Variants in GRM1 observed in about 807,000 individuals in gnomAD.
The protein encoded by GRM1 is metabotropic glutamate receptor 1.
GRM1 carries 33 observed loss-of-function variants against 90.9 expected under a neutral mutation model. That is an observed-to-expected ratio of 0.36 (90% CI 0.28 to 0.49). GRM1 has a LOEUF of 0.49. GRM1 is among the 20% of genes least tolerant of loss of function. The probability of loss-of-function intolerance (pLI) is 0.99; values close to 1 mark genes in which losing one functional copy is unlikely to be tolerated. For synonymous variants in GRM1, 700 were observed against 613.2 expected (o/e 1.14, Z -2.09); for missense variants, 1,190 against 1,534.3 (o/e 0.78, Z 3.75).
chr6:146,238,514 AT>A (rs1780733541), intron 2 of GRM1, among the ~76,000 whole-genome samples: 1 of 152,058 alleles, frequency 6.6e-6, no homozygotes, highest in African/African-American at 2.4e-5. Flanking sequence ...TATCTAAAAA[AT>A]TTTTTTAGAA....
chr6:146,276,250 T>C (rs914454942), intron 2 of GRM1, among the ~76,000 whole-genome samples: 1 of 152,214 alleles, frequency 6.6e-6, no homozygotes, highest in African/African-American at 2.4e-5. Flanking sequence ...TGGATTCTAA[T>C]TCTTCATTCA....
In GRM1 at chr6:146,029,084, C is replaced by G. The variant is rs1790609232; in HGVS notation, c.-434C>G. On this transcript the variant is annotated 5_prime_UTR_variant, in exon 1 of 8. The change creates a new upstream start codon in the 5' untranslated region. Coordinates refer to ENST00000282753, the MANE Select transcript of GRM1 (RefSeq NM_001278064.2). ...TCCAAGCTGTTCCTGCAGCCGATAT[C>G]AGGATGTGCCGAAATGAAACGGACA... is the stretch of plus-strand genomic sequence containing the variant. 1 of 271,142 alleles carries G rather than the reference C, an allele frequency of 3.7e-6. No homozygotes were observed. Among genetic ancestry groups the G allele is most frequent in the Admixed American group, 5.1e-5 (1 of 19,756 alleles). The allele number at this position is 271,142 out of a possible 1,614,324, so 16.8% of individuals were successfully genotyped here. A position where few individuals can be genotyped will look rare whatever the true frequency, so the allele number is the denominator to read the frequency against.
chr6:146,432,938 G>A (rs1778466606), intron 7 of GRM1, among the ~76,000 whole-genome samples: 2 of 152,194 alleles, frequency 1.3e-5, no homozygotes, highest in African/African-American at 4.8e-5. Flanking sequence ...AGGCTGGGAT[G>A]CTCCTGGCAC....
chr6:146,363,400 T>C (rs944450158), intron 5 of GRM1, among the ~76,000 whole-genome samples: 1 of 152,206 alleles, frequency 6.6e-6, no homozygotes, highest in Admixed American at 6.5e-5. Flanking sequence ...GTTGCTTAGT[T>C]AACCTAGCTT....
intron 2 of GRM1, among the ~76,000 whole-genome samples, chr6:146,174,822 T>G (rs1038943381): frequency 6.6e-6 from 1 of 152,202 alleles, no homozygotes; most frequent in Non-Finnish European, 1.5e-5. Context: ...TCTCATTATC[T>G]CAAGGCTCAA....
At chr6:146,129,913 T>A (rs983742102) in intron 1 of GRM1, among the ~76,000 whole-genome samples, 5 of 152,116 alleles carry the variant, frequency 3.3e-5, no homozygotes, top group African/African-American at 1.2e-4. Context: ...TTTTTTATTT[T>A]GTTTTTCTAT....
chr6:146,303,343 C>A (rs1783462553), intron 2 of GRM1, among the ~76,000 whole-genome samples: 1 of 152,092 alleles, frequency 6.6e-6, no homozygotes, highest in Admixed American at 6.6e-5. Context: ...ATCCCCTGAC[C>A]AAGACAGCCT....
chr6:146,028,708 T>C (rs1410088992), upstream of GRM1, among the ~76,000 whole-genome samples: 1 of 152,210 alleles, frequency 6.6e-6, no homozygotes, highest in African/African-American at 2.4e-5. Context: ...GCTGATTTTA[T>C]GTCAGGGCTT....
intron 3 of GRM1, among the ~76,000 whole-genome samples, chr6:146,322,570 C>CTTTCTTTTCTTTTCT (rs1479978459): frequency 9.1e-6 from 1 of 109,928 alleles, no homozygotes; most frequent in African/African-American, 5.8e-5. Context: ...GGGCTGCTGC[C>CTTTCTTTTCTTTTCT]TTTCTTTTAT....
intron 1 of GRM1, among the ~76,000 whole-genome samples, chr6:146,076,099 A>G (rs1776177072): frequency 6.6e-6 from 1 of 152,222 alleles, no homozygotes; most frequent in Admixed American, 6.5e-5. Context: ...TTTGGGGTCC[A>G]GGGACCAGTA....
intron 1 of GRM1, among the ~76,000 whole-genome samples, chr6:146,066,768 G>A (rs201921337): frequency 2.0e-5 from 3 of 147,548 alleles, no homozygotes; most frequent in Non-Finnish European, 4.5e-5. Flanking sequence ...CAGACAGGCA[G>A]AGAGAGAGAG....
chr6:146,390,057 T>A (rs1776660487), intron 6 of GRM1, among the ~76,000 whole-genome samples: 2 of 152,068 alleles, frequency 1.3e-5, no homozygotes, highest in Admixed American at 6.6e-5. Flanking sequence ...TTTAAGTAGG[T>A]GTTTGATTTA....
At chr6:146,092,704 AC>A (rs1205386195) in intron 1 of GRM1, among the ~76,000 whole-genome samples, 2 of 152,072 alleles carry the variant, frequency 1.3e-5, no homozygotes, top group African/African-American at 4.8e-5. Context: ...GAGAGGGCTT[AC>A]TGCATGGAAG....
chr6:146,282,981 AC>A (rs960137868), intron 2 of GRM1, among the ~76,000 whole-genome samples: 1 of 152,100 alleles, frequency 6.6e-6, no homozygotes, highest in African/African-American at 2.4e-5. Flanking sequence ...ATAATAGCAA[AC>A]CCCCTGCAAG....
intron 1 of GRM1, among the ~76,000 whole-genome samples, chr6:146,106,281 C>T (rs560834347): frequency 2.0e-5 from 3 of 152,148 alleles, no homozygotes; most frequent in Non-Finnish European, 4.4e-5. Flanking sequence ...ACTGGATCAC[C>T]TTGTCACTTT....
intron 1 of GRM1, among the ~76,000 whole-genome samples, chr6:146,146,145 G>T (rs183637784): frequency 5.5e-5 from 3 of 54,256 alleles, no homozygotes; most frequent in African/African-American, 1.6e-4. Context: ...TTTTTGAGAC[G>T]TGGCGCCATC....
intron 2 of GRM1, among the ~76,000 whole-genome samples, chr6:146,301,344 A>G (rs1290587352): frequency 6.6e-6 from 1 of 152,208 alleles, no homozygotes; most frequent in Admixed American, 6.6e-5. Context: ...ACATATTCAC[A>G]GATAAAGTTT....
intron 6 of GRM1, among the ~76,000 whole-genome samples, chr6:146,388,225 G>A (rs1002999292): frequency 2.0e-5 from 3 of 151,940 alleles, no homozygotes; most frequent in Non-Finnish European, 4.4e-5. Context: ...TATCATCTTA[G>A]AAAGAGGGAG....
At chr6:146,214,824 T>G (rs1257153729) in intron 2 of GRM1, among the ~76,000 whole-genome samples, 1 of 151,974 alleles carries the variant, frequency 6.6e-6, no homozygotes, top group East Asian at 1.9e-4. Context: ...TGAAGTTCAG[T>G]GAGGAATGGC....
Sources: gnomAD v4.1 joint callset for allele counts (sites outside exome capture counted in the v4.1 genomes callset) on GRCh38, gnomAD v4.1.1 for gene constraint, MANE v1.5 for transcripts, NCBI Gene and HGNC (gene_info 2026-07-23, HGNC 2026-07-21) for gene names.